PXDNL: variants seen among roughly 807,000 people sequenced by gnomAD.
PXDNL encodes the protein peroxidasin like.
Under a neutral mutation model 150.8 loss-of-function variants are expected in PXDNL, and 145 were observed. The observed-to-expected ratio is 0.96, with a 90% CI of 0.84 to 1.10. The LOEUF (loss-of-function observed/expected upper bound fraction) is 1.10. Ranked by LOEUF, PXDNL falls within the 50% of genes least tolerant of loss-of-function variation. The probability of loss-of-function intolerance (pLI) is 0.00; values close to 1 mark genes in which losing one functional copy is unlikely to be tolerated. For synonymous variants in PXDNL, 757 were observed against 725.7 expected (o/e 1.04, Z -0.69); for missense variants, 2,087 against 1,873.9 (o/e 1.11, Z -2.10).
chr8:51,341,782 C>T (rs1805990805), intron 20 of PXDNL, among the ~76,000 whole-genome samples: 1 of 152,156 alleles, frequency 6.6e-6, no homozygotes, highest in Non-Finnish European at 1.5e-5. Context: ...CATAGCACCT[C>T]ACACCTGTTA....
At chr8:51,582,949 T>A (rs754572740) in intron 3 of PXDNL, among the ~76,000 whole-genome samples, 4 of 152,174 alleles carry the variant, frequency 2.6e-5, no homozygotes, top group Non-Finnish European at 5.9e-5. Context: ...GATAGTTACA[T>A]TGAAGGAATT....
chr8:51,552,231 T>C (rs1812504553), intron 4 of PXDNL, among the ~76,000 whole-genome samples: 1 of 151,950 alleles, frequency 6.6e-6, no homozygotes, highest in South Asian at 2.1e-4. Context: ...ACAATGCTGG[T>C]GGGGCAACCA....
intron 17 of PXDNL, among the ~76,000 whole-genome samples, chr8:51,397,635 A>T (rs969316654): frequency 6.6e-6 from 1 of 152,210 alleles, no homozygotes; most frequent in Non-Finnish European, 1.5e-5. Context: ...CTGCAATATT[A>T]CTAAAGAAAA....
chr8:51,555,981 A>G (rs1215074305), intron 4 of PXDNL, among the ~76,000 whole-genome samples: 3 of 152,152 alleles, frequency 2.0e-5, no homozygotes, highest in Non-Finnish European at 1.5e-5. Context: ...TGTAATAATA[A>G]TGCTACAGGG....
intron 2 of PXDNL, among the ~76,000 whole-genome samples, chr8:51,649,402 T>C (rs981211438): frequency 1.3e-5 from 2 of 152,228 alleles, no homozygotes; most frequent in Non-Finnish European, 2.9e-5. Flanking sequence ...CAATTTTCCT[T>C]TTAAATCTTG....
chr8:51,782,555 A>G (rs1056465043), intron 1 of PXDNL, among the ~76,000 whole-genome samples: 3 of 152,248 alleles, frequency 2.0e-5, no homozygotes, highest in African/African-American at 7.2e-5. Context: ...CATAGTAGTC[A>G]CTGATAAAAT....
intron 17 of PXDNL, among the ~76,000 whole-genome samples, chr8:51,403,036 G>A (rs2130868608): frequency 6.8e-6 from 1 of 147,428 alleles, no homozygotes; most frequent in South Asian, 2.1e-4. Context: ...CTTGCAGTAA[G>A]CTGAGATCGC....
chr8:51,337,749 C>T (rs757084542), intron 21 of PXDNL, among the ~76,000 whole-genome samples: 39 of 151,156 alleles, frequency 2.6e-4, no homozygotes, highest in Non-Finnish European at 4.4e-4. Context: ...TGGTGGTGGG[C>T]GCCTGTAGTC....
rs140109714 is a variant in PXDNL, at chr8:51,319,743, C to T, written c.*148G>A. ...GTTAGAAAATGAAAAAATAAAAGAT[C>T]GTAAGTATATGTAAGATTAGATGAA... On this transcript the variant is annotated 3_prime_UTR_variant, in exon 23 of 23. Coordinates refer to ENST00000356297, the MANE Select transcript of PXDNL (RefSeq NM_144651.5). 2.8e-4 allele frequency: 152 copies of T among 538,416 alleles called. 2 individuals are homozygous for T. Among genetic ancestry groups the T allele is most frequent in the African/African-American group, 2.3e-3 (118 of 50,770 alleles). 33.4% of individuals were successfully genotyped at this position (538,416 alleles called of 1,614,324 possible). A position where few individuals can be genotyped will look rare whatever the true frequency, so the allele number is the denominator to read the frequency against.
chr8:51,535,691 G>T, intron 4 of PXDNL, among the ~76,000 whole-genome samples: 1 of 138,624 alleles, frequency 7.2e-6, no homozygotes, highest in African/African-American at 3.1e-5. Flanking sequence ...CCCCCTCTGC[G>T]AGAAACACCC....
chr8:51,339,552 C>T, intron 21 of PXDNL, 72 bp downstream of exon 21: 2 of 1,441,196 alleles, frequency 1.4e-6, no homozygotes, highest in South Asian at 1.2e-5. Context: ...TGGAGAGTTA[C>T]TGGACAAATC....
chr8:51,451,500 G>A (rs1809808134), intron 10 of PXDNL, among the ~76,000 whole-genome samples: 1 of 152,162 alleles, frequency 6.6e-6, no homozygotes, highest in Admixed American at 6.5e-5. Context: ...GAGATGAAGT[G>A]TTTTGCTATT....
intron 1 of PXDNL, among the ~76,000 whole-genome samples, chr8:51,752,760 C>T (rs950285002): frequency 6.6e-6 from 1 of 152,172 alleles, no homozygotes; most frequent in Non-Finnish European, 1.5e-5. Flanking sequence ...TCAAGTTATA[C>T]CCTAGGGAAT....
intron 2 of PXDNL, among the ~76,000 whole-genome samples, chr8:51,646,562 C>T (rs1814923098): frequency 6.6e-6 from 1 of 152,124 alleles, no homozygotes; most frequent in East Asian, 1.9e-4. Flanking sequence ...TGGCAGCCAA[C>T]GGTTACCTTT....
intron 1 of PXDNL, among the ~76,000 whole-genome samples, chr8:51,707,858 T>C (rs1816412320): frequency 6.6e-6 from 1 of 152,222 alleles, no homozygotes; most frequent in Admixed American, 6.5e-5. Context: ...GGATTTCCTT[T>C]TCTTTTAAGG....
intron 7 of PXDNL, among the ~76,000 whole-genome samples, 184 bp downstream of exon 7, chr8:51,474,788 T>C (rs1040108814): frequency 6.6e-6 from 1 of 152,212 alleles, no homozygotes; most frequent in Non-Finnish European, 1.5e-5. Flanking sequence ...TTTATGTTGA[T>C]AAAAACTTCT....
At chr8:51,487,243 T>C (rs564661652) in intron 5 of PXDNL, among the ~76,000 whole-genome samples, 1 of 152,246 alleles carries the variant, frequency 6.6e-6, no homozygotes, top group African/African-American at 2.4e-5. Flanking sequence ...ACATGCATAT[T>C]ATCTAAAAAA....
rs1486348370 is a variant in PXDNL, at chr8:51,408,498, T to G, written c.3126A>C (p.Ala1042=). ...GYRGYNPNVN[A]GIINSFATAA... ...CAGTAGCAAAAGAGTTAATGATGCC[T>G]GCATTCACGTTGGGGTTGTAGCCTC... is the stretch of plus-strand genomic sequence containing the variant. The change falls in exon 17 of 23, where the codon GCA becomes GCC. Residue 1042 remains alanine (A), a synonymous_variant. Transcript: ENST00000356297. 1.9e-6 allele frequency: 3 copies of G among 1,613,404 alleles called. No homozygotes were observed. Among genetic ancestry groups the G allele is most frequent in the Non-Finnish European group, 2.5e-6 (3 of 1,179,586 alleles).
chr8:51,388,340 A>C (rs1254816346), intron 17 of PXDNL, among the ~76,000 whole-genome samples: 1 of 152,128 alleles, frequency 6.6e-6, no homozygotes, highest in African/African-American at 2.4e-5. Flanking sequence ...TCAGTTTGGG[A>C]ATATATTAAT....
Sources: allele counts gnomAD v4.1 joint callset (sites outside exome capture counted in the v4.1 genomes callset), GRCh38; gene constraint gnomAD v4.1.1; transcripts MANE v1.5; gene names NCBI Gene and HGNC (gene_info 2026-07-23, HGNC 2026-07-21).